MAML3: variants seen among roughly 807,000 people sequenced by gnomAD.
The protein encoded by MAML3 is mastermind-like protein 3.
In MAML3, 27 loss-of-function variants were observed where a neutral mutation model predicts 101.9. The ratio of observed to expected loss-of-function variants is 0.27; its 90% CI spans 0.20 to 0.37. The LOEUF is 0.37. Ranked by LOEUF, MAML3 falls within the 10% of genes least tolerant of loss-of-function variation. The pLI is 1.00. For synonymous variants in MAML3, 501 were observed against 555.9 expected (o/e 0.90, Z 1.39); for missense variants, 1,316 against 1,444.9 (o/e 0.91, Z 1.45).
intron 1 of MAML3, among the ~76,000 whole-genome samples, chr4:140,026,723 TCA>T (rs1726831396): frequency 6.6e-6 from 1 of 152,212 alleles, no homozygotes; most frequent in Non-Finnish European, 1.5e-5. Flanking sequence ...TTGCTTTTGA[TCA>T]CACTCTATGG....
chr4:140,074,931 G>A (rs1703024782), intron 1 of MAML3, among the ~76,000 whole-genome samples: 1 of 152,138 alleles, frequency 6.6e-6, no homozygotes, highest in African/African-American at 2.4e-5. Context: ...TGAATTTCGT[G>A]TTTAGAATTG....
chr4:139,863,502 C>T (rs1484257351), intron 2 of MAML3, among the ~76,000 whole-genome samples: 1 of 151,948 alleles, frequency 6.6e-6, no homozygotes, highest in Admixed American at 6.6e-5. Context: ...AGGCATGTGA[C>T]ATCATGCTTG....
intron 2 of MAML3, among the ~76,000 whole-genome samples, chr4:139,746,716 TC>T: frequency 6.6e-6 from 1 of 152,104 alleles, no homozygotes; most frequent in South Asian, 2.1e-4. Flanking sequence ...TCCTTTCACC[TC>T]CCCCCTTCTC....
At chr4:139,723,260 C>A (rs1728326917) in intron 4 of MAML3, among the ~76,000 whole-genome samples, 1 of 152,160 alleles carries the variant, frequency 6.6e-6, no homozygotes, top group Non-Finnish European at 1.5e-5. Context: ...TAGGATTGAT[C>A]ATCTCTGGAT....
intron 2 of MAML3, among the ~76,000 whole-genome samples, chr4:139,885,932 CAAAA>C (rs1182443191): frequency 8.4e-4 from 17 of 20,310 alleles, no homozygotes; most frequent in South Asian, 5.3e-3. Context: ...GACTCCGTCT[CAAAA>C]AAAAAAAAAA....
chr4:139,999,297 T>C (rs1018980943), intron 1 of MAML3, among the ~76,000 whole-genome samples: 4 of 152,274 alleles, frequency 2.6e-5, no homozygotes, highest in East Asian at 3.9e-4. Context: ...ACCATCCAAA[T>C]TGAATGGGCC....
chr4:139,956,115 A>G (rs1036442382), intron 1 of MAML3, among the ~76,000 whole-genome samples: 1 of 152,182 alleles, frequency 6.6e-6, no homozygotes, highest in Non-Finnish European at 1.5e-5. Context: ...TACTTATATA[A>G]TTGGTAGACA....
chr4:139,946,545 T>A (rs988342516), intron 1 of MAML3, among the ~76,000 whole-genome samples: 3 of 152,130 alleles, frequency 2.0e-5, no homozygotes, highest in African/African-American at 7.2e-5. Flanking sequence ...CTGCTAATTA[T>A]GGGAATAATA....
At chr4:140,006,363 A>C (rs1726447266) in intron 1 of MAML3, among the ~76,000 whole-genome samples, 1 of 152,060 alleles carries the variant, frequency 6.6e-6, no homozygotes, top group African/African-American at 2.4e-5. Flanking sequence ...AGAGGGGTGG[A>C]TCACTTGAGG....
chr4:140,026,194 A>ATG (rs541987443), intron 1 of MAML3, among the ~76,000 whole-genome samples: 7 of 151,866 alleles, frequency 4.6e-5, no homozygotes, highest in Admixed American at 3.9e-4. Flanking sequence ...AAACATATAT[A>ATG]TGTGTGTGTG....
chr4:140,136,723 C>G (rs965428850), intron 1 of MAML3, among the ~76,000 whole-genome samples: 1 of 152,140 alleles, frequency 6.6e-6, no homozygotes, highest in Non-Finnish European at 1.5e-5. Flanking sequence ...AAATGAGTCA[C>G]GTTTCTTGAA....
intron 2 of MAML3, among the ~76,000 whole-genome samples, chr4:139,844,940 A>G (rs772593708): frequency 3.3e-5 from 5 of 152,100 alleles, no homozygotes; most frequent in South Asian, 2.1e-4. Context: ...GATATCATCA[A>G]TATGGTTTTT....
intron 1 of MAML3, among the ~76,000 whole-genome samples, chr4:139,983,803 C>T (rs1734486910): frequency 1.3e-5 from 2 of 152,096 alleles, no homozygotes; most frequent in African/African-American, 4.8e-5. Context: ...GAGAAGTGTG[C>T]TGGGCAGTGG....
intron 1 of MAML3, among the ~76,000 whole-genome samples, chr4:140,075,109 G>C (rs1727745177): frequency 6.6e-6 from 1 of 152,162 alleles, no homozygotes; most frequent in Non-Finnish European, 1.5e-5. Flanking sequence ...AAGTGCTTTA[G>C]ATCTATCATC....
At chr4:139,937,429 C>T (rs1243563580) in intron 1 of MAML3, among the ~76,000 whole-genome samples, 2 of 151,100 alleles carry the variant, frequency 1.3e-5, no homozygotes, top group Admixed American at 1.3e-4. Context: ...TGCTCTGTCA[C>T]CCAGGATAGT....
At chr4:140,110,032 G>A (rs559751940) in intron 1 of MAML3, among the ~76,000 whole-genome samples, 3 of 152,230 alleles carry the variant, frequency 2.0e-5, no homozygotes, top group Non-Finnish European at 4.4e-5. Context: ...AAACGGGGTG[G>A]GTGGGAGAAA....
intron 2 of MAML3, among the ~76,000 whole-genome samples, chr4:139,859,227 A>AT (rs61061197): frequency 0.28 from 37,980 of 135,484 alleles, 6,089 homozygotes; most frequent in East Asian, 0.7. Flanking sequence ...GTTCTACTAC[A>AT]TTTTTTTTTT....
At chr4:139,936,109 A>AT (rs1733501287) in intron 1 of MAML3, among the ~76,000 whole-genome samples, 1 of 152,172 alleles carries the variant, frequency 6.6e-6, no homozygotes, top group Non-Finnish European at 1.5e-5. Flanking sequence ...AAATGATATC[A>AT]TGCAGTATCT....
chr4:139,728,811 G>A (rs1038637244), intron 3 of MAML3, among the ~76,000 whole-genome samples: 3 of 152,086 alleles, frequency 2.0e-5, no homozygotes, highest in African/African-American at 7.2e-5. Context: ...CCCCAGGGTC[G>A]GGCTGGCCTC....
Sources: gnomAD v4.1 joint callset for allele counts (sites outside exome capture counted in the v4.1 genomes callset) on GRCh38, gnomAD v4.1.1 for gene constraint, MANE v1.5 for transcripts, NCBI Gene and HGNC (gene_info 2026-07-23, HGNC 2026-07-21) for gene names.